Variants in ATAD2 observed in about 807,000 individuals in gnomAD.
The protein encoded by ATAD2 is ATPase family AAA domain containing 2.
A neutral mutation model predicts 168.9 loss-of-function variants in ATAD2; 62 were observed. That is an observed-to-expected ratio of 0.37 (90% CI 0.30 to 0.45). The LOEUF (loss-of-function observed/expected upper bound fraction) is 0.45, where lower values mean the gene tolerates loss of function less well. ATAD2 is among the 20% of genes least tolerant of loss of function. The pLI, the probability that ATAD2 is intolerant of heterozygous loss-of-function variation, is 1.00. For missense variants in ATAD2, 1,419 were observed against 1,667.8 expected (o/e 0.85, Z 2.60); for synonymous variants, 613 against 571.6 (o/e 1.07, Z -1.03).
chr8:123,339,752 T>G (rs1257436953), intron 19 of ATAD2, among the ~76,000 whole-genome samples: 1 of 152,204 alleles, frequency 6.6e-6, no homozygotes, highest in African/African-American at 2.4e-5. Flanking sequence ...ATTGTATATT[T>G]TTTAAACAAG....
At chr8:123,401,334 G>T, upstream of ATAD2, 1 of 1,390,466 alleles carries the variant, frequency 7.2e-7, no homozygotes, top group Non-Finnish European at 1.0e-6. Context: ...GCACCTGTGA[G>T]GATGACAAAT....
Position 123,402,138 on chromosome 8 carries a change from G to T in ATAD2, c.-2281-963C>A. ...CAGTGGAGGCCGAGGTGGTGGAGGGGGCACCCCCCAGTGTCCACCTTCGGG... is the reference window on the plus strand; with the variant it reads ...CAGTGGAGGCCGAGGTGGTGGAGGGTGCACCCCCCAGTGTCCACCTTCGGG... On this transcript the variant is annotated intron_variant, in intron 1 of 28. Transcript: ENST00000521903. The surrounding 1 kb of genome is among the most constrained non-coding windows in gnomAD (Gnocchi z 4.8). 1.3e-6 allele frequency: 1 copy of T among 788,948 alleles called. No individual in the cohort carries two copies. Among genetic ancestry groups the T allele is most frequent in the South Asian group, 1.4e-5 (1 of 69,802 alleles). 48.9% of individuals were successfully genotyped at this position (788,948 alleles called of 1,614,324 possible).
intron 22 of ATAD2, among the ~76,000 whole-genome samples, 171 bp from the exon 23 acceptor site, chr8:123,334,493 T>C (rs1211907572): frequency 2.0e-5 from 3 of 152,194 alleles, no homozygotes; most frequent in Non-Finnish European, 2.9e-5. Flanking sequence ...GCTAATCTAA[T>C]GTTCTGGACA....
chr8:123,388,516 C>A (rs1829710233), intron 1 of ATAD2, among the ~76,000 whole-genome samples: 1 of 152,146 alleles, frequency 6.6e-6, no homozygotes, highest in South Asian at 2.1e-4. Flanking sequence ...TCTCAGCCTC[C>A]TGAGTAGCTG....
chr8:123,398,705 C>G (rs1426546857), upstream of ATAD2, among the ~76,000 whole-genome samples: 3 of 151,798 alleles, frequency 2.0e-5, no homozygotes, highest in African/African-American at 7.3e-5. Context: ...GGGTCTCACT[C>G]TGTTGCCCAG....
At chr8:123,349,894 A>G (rs1828393430) in intron 13 of ATAD2, among the ~76,000 whole-genome samples, 1 of 151,192 alleles carries the variant, frequency 6.6e-6, no homozygotes, top group South Asian at 2.1e-4. Flanking sequence ...AAAAAAAATT[A>G]GCCAGCATGG....
chr8:123,400,642 C>G, upstream of ATAD2: 1 of 674,832 alleles, frequency 1.5e-6, no homozygotes, highest in Non-Finnish European at 2.7e-6. This position sits in a 1 kb window ranked among gnomAD's most constrained non-coding sequence, Gnocchi z 4.5. Flanking sequence ...CACGCAGCAG[C>G]TCTTCGCCAG....
intron 1 of ATAD2, among the ~76,000 whole-genome samples, chr8:123,411,241 A>G (rs1334857860): frequency 6.6e-6 from 1 of 152,198 alleles, no homozygotes; most frequent in Admixed American, 6.5e-5. Flanking sequence ...CCCCAGATGC[A>G]GTCTATGACT....
chr8:123,399,980 A>G (rs1185342405), upstream of ATAD2, among the ~76,000 whole-genome samples: 2 of 151,736 alleles, frequency 1.3e-5, no homozygotes, highest in African/African-American at 2.4e-5. Context: ...CCTGGCCAAC[A>G]TGGCAAAACC....
intron 8 of ATAD2, among the ~76,000 whole-genome samples, chr8:123,366,986 AAAAAT>A (rs1186824804): frequency 1.3e-5 from 2 of 152,170 alleles, no homozygotes; most frequent in Non-Finnish European, 2.9e-5. Flanking sequence ...AACAAAAACC[AAAAAT>A]AAAATAAAAT....
At chr8:123,389,123 C>T (rs1321527106) in intron 1 of ATAD2, among the ~76,000 whole-genome samples, 8 of 128,260 alleles carry the variant, frequency 6.2e-5, no homozygotes, top group Non-Finnish European at 1.2e-4. Context: ...CCTGCTACCA[C>T]GCCCGGCTAA....
chr8:123,321,866 AG>A (rs2131266758), intron 27 of ATAD2, among the ~76,000 whole-genome samples: 1 of 152,274 alleles, frequency 6.6e-6, no homozygotes, highest in Non-Finnish European at 1.5e-5. Flanking sequence ...CAGGAGTTCC[AG>A]GTTATAGTGA....
chr8:123,409,323 C>A (rs1445220942), intron 1 of ATAD2, among the ~76,000 whole-genome samples: 1 of 152,184 alleles, frequency 6.6e-6, no homozygotes, highest in Non-Finnish European at 1.5e-5. Flanking sequence ...CAACTTCCCA[C>A]CCCCAGTGAT....
Position 123,396,297 on chromosome 8 carries a change from A to T in ATAD2, c.61T>A (p.Ser21Thr). ...AGGAAGTCACTGGACAGGTCCAAGG[A>T]GCCCGTGGCCGAGGCCGCGGAGTGG... ...HNHSAASATG[S>T]LDLSSDFLSL... is the part of the protein sequence containing the mutation. The change falls in exon 1 of 28, where the codon TCC (serine) becomes ACC (threonine). Residue 21 changes from serine (S) to threonine (T), a missense_variant. Coordinates refer to ENST00000287394, the MANE Select transcript of ATAD2 (RefSeq NM_014109.4). 6.2e-7 allele frequency: 1 copy of T among 1,610,644 alleles called. No individual in the cohort carries two copies. Among genetic ancestry groups the T allele is most frequent in the Non-Finnish European group, 8.5e-7 (1 of 1,178,954 alleles).
chr8:123,333,213 C>T (rs1445723339), intron 24 of ATAD2, among the ~76,000 whole-genome samples: 2 of 139,700 alleles, frequency 1.4e-5, no homozygotes, highest in Non-Finnish European at 3.0e-5. Flanking sequence ...ACGGTGAAAC[C>T]CCGTCTCTCT....
intron 22 of ATAD2, among the ~76,000 whole-genome samples, chr8:123,335,278 A>G (rs1341519128): frequency 1.3e-5 from 2 of 152,318 alleles, no homozygotes; most frequent in African/African-American, 4.8e-5. Context: ...CTTCCTATGT[A>G]CAATGGACTG....
In ATAD2 at chr8:123,357,662, T is replaced by C. The variant is rs199759840; in HGVS notation, c.1457A>G (p.Gln486Arg). Reference sequence around the variant, plus strand: ...GAAAAATGCTACTCTTTTATCCCCTTGACTGCACTCATTGGCAAGTGCTCT... The same window carrying C: ...GAAAAATGCTACTCTTTTATCCCCTCGACTGCACTCATTGGCAAGTGCTCT... ...VARALANECS[Q>R]GDKRVAFFMR... Residue 486 changes from glutamine (Q) to arginine (R), a missense_variant, in exon 12 of 28, where the codon CAA becomes CGA. Physicochemically the swap from Gln to Arg is conservative, Grantham distance 43 (BLOSUM62 1). This residue lies in a region of ATAD2 where 146 missense variants were observed against 188.3 expected (regional missense o/e 0.78). Transcript: ENST00000287394. 222 of 1,613,954 alleles carry C rather than the reference T, an allele frequency of 1.4e-4. No homozygotes were observed. The highest frequency in any genetic ancestry group is 1.2e-4 in the Admixed American group (7 of 59,980).
At chr8:123,387,974 T>C (rs1225563580) in intron 1 of ATAD2, among the ~76,000 whole-genome samples, 1 of 152,116 alleles carries the variant, frequency 6.6e-6, no homozygotes, top group African/African-American at 2.4e-5. Flanking sequence ...TAAACAACAG[T>C]ATATTCTAAT....
At chr8:123,334,669 T>C (rs1827865303) in intron 22 of ATAD2, among the ~76,000 whole-genome samples, 2 of 152,068 alleles carry the variant, frequency 1.3e-5, no homozygotes, top group African/African-American at 4.8e-5. Context: ...GAACAAAGAA[T>C]GTGAAAGAAT....
Sources: gnomAD v4.1 joint callset for allele counts (sites outside exome capture counted in the v4.1 genomes callset) on GRCh38, gnomAD v4.1.1 for gene constraint, gnomAD v4.1.1 regional missense constraint, Gnocchi (gnomAD v3.1) non-coding constraint, MANE v1.5 for transcripts, NCBI Gene and HGNC (gene_info 2026-07-23, HGNC 2026-07-21) for gene names.